Variants in STK33 observed in about 807,000 individuals in gnomAD.
The protein encoded by STK33 is serine/threonine kinase 33.
STK33 carries 52 observed loss-of-function variants against 58.0 expected under a neutral mutation model. The observed-to-expected ratio is 0.90, with a 90% confidence interval of 0.72 to 1.13. The LOEUF is 1.13. STK33 is among the 50% of genes most tolerant of loss of function. The pLI is 0.00. For synonymous variants in STK33, 215 were observed against 200.1 expected (o/e 1.07, Z -0.63); for missense variants, 630 against 604.2 (o/e 1.04, Z -0.45).
intron 1 of STK33, among the ~76,000 whole-genome samples, chr11:8,558,923 G>T (rs1956945346): frequency 6.6e-6 from 1 of 152,138 alleles, no homozygotes; most frequent in African/African-American, 2.4e-5. Flanking sequence ...AATGCCAACT[G>T]GATACTGCAC....
the STK33 span, among the ~76,000 whole-genome samples, chr11:8,363,672 C>T: frequency 2.0e-5 from 3 of 152,232 alleles, no homozygotes; most frequent in Non-Finnish European, 4.4e-5. Flanking sequence ...CACAAACAAC[C>T]GTGCGAATTG....
At chr11:8,497,220 T>C (rs533501117) in intron 1 of STK33, among the ~76,000 whole-genome samples, 4 of 152,128 alleles carry the variant, frequency 2.6e-5, no homozygotes, top group Non-Finnish European at 5.9e-5. Flanking sequence ...CTACATTTAG[T>C]GAAAAACATT....
At chr11:8,335,356 C>T in the STK33 span, among the ~76,000 whole-genome samples, 1 of 152,210 alleles carries the variant, frequency 6.6e-6, no homozygotes, top group Non-Finnish European at 1.5e-5. Context: ...CTACTCACCA[C>T]TGACGCTCCC....
intron 14 of STK33, among the ~76,000 whole-genome samples, chr11:8,434,609 T>C (rs946211738): frequency 6.4e-5 from 4 of 62,052 alleles, no homozygotes; most frequent in Non-Finnish European, 9.2e-5. Flanking sequence ...AGGATTCACA[T>C]GGCAGCTCTG....
intron 1 of STK33, among the ~76,000 whole-genome samples, chr11:8,520,931 A>G (rs1281988378): frequency 6.6e-6 from 1 of 152,048 alleles, no homozygotes. Flanking sequence ...AAGGTAATTT[A>G]TAACGATAAT....
chr11:8,472,290 G>T (rs1222557720), intron 6 of STK33, among the ~76,000 whole-genome samples: 1 of 152,002 alleles, frequency 6.6e-6, no homozygotes, highest in East Asian at 1.9e-4. Flanking sequence ...TTCAGGCCAG[G>T]CAGCTTTTCT....
intron 6 of STK33, chr11:8,465,048 A>T (rs373297151): frequency 5.5e-4 from 179 of 326,202 alleles, no homozygotes; most frequent in African/African-American, 3.3e-3. Context: ...AAAACCATAA[A>T]AATCCTAATG....
At chr11:8,408,338 G>T (rs1193999857) in intron 15 of STK33, among the ~76,000 whole-genome samples, 1 of 152,212 alleles carries the variant, frequency 6.6e-6, no homozygotes, top group Non-Finnish European at 1.5e-5. Flanking sequence ...AAGGGGAGCT[G>T]AGCAAAAGTC....
At chr11:8,485,210 A>G (rs762031438) in intron 1 of STK33, among the ~76,000 whole-genome samples, 3 of 152,234 alleles carry the variant, frequency 2.0e-5, no homozygotes, top group Non-Finnish European at 4.4e-5. Flanking sequence ...TTATAAGTTT[A>G]TAATTTCCAA....
At chr11:8,551,289 C>G (rs1431034158) in intron 1 of STK33, among the ~76,000 whole-genome samples, 1 of 152,054 alleles carries the variant, frequency 6.6e-6, no homozygotes, top group Non-Finnish European at 1.5e-5. Flanking sequence ...ACCACCACAA[C>G]TGGCTAATTT....
At chr11:8,470,691 A>G (rs1159193349) in intron 6 of STK33, among the ~76,000 whole-genome samples, 1 of 152,124 alleles carries the variant, frequency 6.6e-6, no homozygotes, top group Non-Finnish European at 1.5e-5. Context: ...CAGGGTTATT[A>G]ATTGTCCTAA....
chr11:8,384,030 G>A, the STK33 span, among the ~76,000 whole-genome samples: 2 of 152,110 alleles, frequency 1.3e-5, no homozygotes, highest in Non-Finnish European at 2.9e-5. Context: ...AACTTCATAC[G>A]ATCAGCTAGA....
At chr11:8,418,133 AG>A (rs1254582282) in intron 14 of STK33, among the ~76,000 whole-genome samples, 1 of 151,880 alleles carries the variant, frequency 6.6e-6, no homozygotes, top group Non-Finnish European at 1.5e-5. Flanking sequence ...GTACCTGAGC[AG>A]GTTTCTTATA....
chr11:8,422,646 T>C (rs1164178160), intron 14 of STK33, among the ~76,000 whole-genome samples: 2 of 152,188 alleles, frequency 1.3e-5, no homozygotes, highest in Non-Finnish European at 2.9e-5. Context: ...GTTTTCTATT[T>C]ATTAAGACTG....
chr11:8,433,593 C>G (rs190257077), intron 14 of STK33, among the ~76,000 whole-genome samples: 219 of 152,250 alleles, frequency 1.4e-3, no homozygotes, highest in African/African-American at 5.0e-3. Context: ...CTGATCCTAT[C>G]TAATATAGAA....
chr11:8,495,345 A>T (rs1247030519), intron 1 of STK33, among the ~76,000 whole-genome samples: 1 of 152,234 alleles, frequency 6.6e-6, no homozygotes, highest in Non-Finnish European at 1.5e-5. Flanking sequence ...CATATGAAAA[A>T]AAATCTCATC....
the STK33 span, among the ~76,000 whole-genome samples, chr11:8,373,914 C>T: frequency 6.6e-6 from 1 of 152,210 alleles, no homozygotes; most frequent in African/African-American, 2.4e-5. Flanking sequence ...CACCAGCAGT[C>T]CAAGTGTTCA....
At chr11:8,584,109 TGAAAA>T (rs2031000248) in intron 1 of STK33, among the ~76,000 whole-genome samples, 1 of 74,988 alleles carries the variant, frequency 1.3e-5, no homozygotes, top group Non-Finnish European at 2.8e-5. Flanking sequence ...GGAATTTAGA[TGAAAA>T]AAAAAAAAAA....
intron 11 of STK33, among the ~76,000 whole-genome samples, chr11:8,450,894 A>G (rs1232345201): frequency 6.6e-6 from 1 of 152,232 alleles, no homozygotes; most frequent in Non-Finnish European, 1.5e-5. Context: ...ACAGATTTAA[A>G]TAGACACTTC....
Sources: gnomAD v4.1 joint callset for allele counts (sites outside exome capture counted in the v4.1 genomes callset) on GRCh38, gnomAD v4.1.1 for gene constraint, MANE v1.5 for transcripts, NCBI Gene and HGNC (gene_info 2026-07-23, HGNC 2026-07-21) for gene names.